The following TNS3 variants were observed in gnomAD, a reference collection of about 807,000 sequenced individuals.
TNS3 encodes the protein tensin 3, also known as tensin-3.
A neutral mutation model predicts 140.9 loss-of-function variants in TNS3; 45 were observed. The observed-to-expected ratio is 0.32, with a 90% CI of 0.25 to 0.41. The LOEUF (loss-of-function observed/expected upper bound fraction) is 0.41. Ranked by LOEUF, TNS3 falls within the 10% of genes least tolerant of loss-of-function variation. The pLI is 1.00. For missense variants in TNS3, 1,716 were observed against 1,906.7 expected (o/e 0.90, Z 1.86); for synonymous variants, 815 against 788.4 (o/e 1.03, Z -0.56).
intron 28 of TNS3, among the ~76,000 whole-genome samples, 160 bp downstream of exon 28, chr7:47,283,537 T>C (rs1393767151): frequency 6.6e-6 from 1 of 152,222 alleles, no homozygotes; most frequent in Non-Finnish European, 1.5e-5. Context: ...TCCCAGGACG[T>C]ATTTAATGAC....
intron 16 of TNS3, among the ~76,000 whole-genome samples, chr7:47,382,475 G>C (rs1483062089): frequency 6.6e-6 from 1 of 152,196 alleles, no homozygotes; most frequent in Admixed American, 6.5e-5. Flanking sequence ...CAGGCTGTTA[G>C]TATTAACCTT....
At chr7:47,419,014 G>A (rs1202452192) in intron 10 of TNS3, among the ~76,000 whole-genome samples, 4 of 152,282 alleles carry the variant, frequency 2.6e-5, no homozygotes, top group Non-Finnish European at 4.4e-5. Flanking sequence ...GGAAAGGTGA[G>A]CTGGGCCACC....
At chr7:47,381,253 G>T (rs1224927063) in intron 16 of TNS3, among the ~76,000 whole-genome samples, 1 of 152,234 alleles carries the variant, frequency 6.6e-6, no homozygotes, top group African/African-American at 2.4e-5. Context: ...TGCCACACAT[G>T]CTCCATCTCC....
chr7:47,553,604 T>C (rs2151985551), intron 1 of TNS3, among the ~76,000 whole-genome samples: 1 of 152,338 alleles, frequency 6.6e-6, no homozygotes, highest in East Asian at 1.9e-4. Flanking sequence ...TTGAGCTCAC[T>C]GTGGAGACAC....
chr7:47,463,391 C>T (rs1796569367), intron 4 of TNS3, among the ~76,000 whole-genome samples: 1 of 152,174 alleles, frequency 6.6e-6, no homozygotes, highest in Non-Finnish European at 1.5e-5. Context: ...TTGCAGTGAA[C>T]CGAGATCATG....
intron 10 of TNS3, among the ~76,000 whole-genome samples, chr7:47,421,434 ATT>A (rs1316447039): frequency 7.1e-5 from 10 of 140,520 alleles, no homozygotes; most frequent in South Asian, 2.3e-4. Flanking sequence ...CATCCAGCTA[ATT>A]TTTTTTTTTT....
intron 4 of TNS3, among the ~76,000 whole-genome samples, chr7:47,471,158 A>G (rs1796936988): frequency 6.6e-6 from 1 of 152,070 alleles, no homozygotes. Flanking sequence ...AGACGGTGAA[A>G]TCAAAGGAAA....
At chr7:47,524,808 C>CAAAAA (rs1354544006) in intron 2 of TNS3, among the ~76,000 whole-genome samples, 565 of 25,242 alleles carry the variant, frequency 0.022, 152 homozygotes, top group African/African-American at 0.04. Flanking sequence ...GACTCCGTCT[C>CAAAAA]AAGAAAAAAA....
At chr7:47,343,020 A>G (rs1015029911) in intron 20 of TNS3, among the ~76,000 whole-genome samples, 5 of 152,240 alleles carry the variant, frequency 3.3e-5, no homozygotes, top group Non-Finnish European at 5.9e-5. Flanking sequence ...GAAGGCTCAC[A>G]TTAATATTGT....
intron 3 of TNS3, among the ~76,000 whole-genome samples, chr7:47,500,957 A>C (rs928379318): frequency 6.6e-6 from 1 of 152,168 alleles, no homozygotes; most frequent in Non-Finnish European, 1.5e-5. Flanking sequence ...GCGTGTTGGC[A>C]CACGCCTATA....
intron 2 of TNS3, among the ~76,000 whole-genome samples, chr7:47,516,262 G>A (rs1268894837): frequency 6.6e-6 from 1 of 152,178 alleles, no homozygotes; most frequent in Non-Finnish European, 1.5e-5. Context: ...AAAGATCACG[G>A]CACTGAGGAA....
At chr7:47,361,217 A>AAAAAAAAAAAAAAAAAAAAAAAAAAAAAC in intron 17 of TNS3, among the ~76,000 whole-genome samples, 1 of 147,386 alleles carries the variant, frequency 6.8e-6, no homozygotes, top group Non-Finnish European at 1.5e-5. Context: ...AAAAAAAAAA[A>AAAAAAAAAAAAAAAAAAAAAAAAAAAAAC]AAAAAAACAA....
intron 17 of TNS3, among the ~76,000 whole-genome samples, chr7:47,367,587 T>C (rs554411338): frequency 6.6e-6 from 1 of 152,320 alleles, no homozygotes; most frequent in Admixed American, 6.5e-5. Flanking sequence ...TGTGCAGTCC[T>C]GGCCTCCCTG....
chr7:47,579,422 G>GC (rs1186295762), intron 1 of TNS3: 2 of 152,136 alleles, frequency 1.3e-5, no homozygotes. Context: ...AAGACAGGAG[G>GC]CCCCTCCCTG....
At chr7:47,426,414 T>C (rs574107478) in intron 9 of TNS3, among the ~76,000 whole-genome samples, 128 of 152,326 alleles carry the variant, frequency 8.4e-4, no homozygotes, top group African/African-American at 2.5e-3. Context: ...GCATATAAAA[T>C]GATATTAATG....
At chr7:47,446,493 A>C (rs73328507) in intron 4 of TNS3, among the ~76,000 whole-genome samples, 6,680 of 151,770 alleles carry the variant, frequency 0.044, 469 homozygotes, top group African/African-American at 0.15. Context: ...GGGTGAAAAA[A>C]CCCAGACAGC....
intron 20 of TNS3, among the ~76,000 whole-genome samples, chr7:47,341,758 C>T (rs565353446): frequency 5.3e-5 from 8 of 151,832 alleles, no homozygotes; most frequent in African/African-American, 1.9e-4. Flanking sequence ...TTCTGCTTGC[C>T]TTGGGTCTAG....
chr7:47,579,924 C>G, intron 1 of TNS3: 1 of 746,322 alleles, frequency 1.3e-6, no homozygotes, highest in Non-Finnish European at 1.6e-6. Flanking sequence ...CTTTGACACC[C>G]CCTCTCCTGC....
At chr7:47,436,813 T>C (rs1795205140) in intron 7 of TNS3, among the ~76,000 whole-genome samples, 2 of 152,132 alleles carry the variant, frequency 1.3e-5, no homozygotes, top group Non-Finnish European at 2.9e-5. Context: ...CATATATATA[T>C]GCAGTATATA....
Sources: allele counts gnomAD v4.1 joint callset (sites outside exome capture counted in the v4.1 genomes callset), GRCh38; gene constraint gnomAD v4.1.1; transcripts MANE v1.5; gene names NCBI Gene and HGNC (gene_info 2026-07-23, HGNC 2026-07-21).